Variants in DTNBP1 observed in about 807,000 individuals in gnomAD.
DTNBP1 encodes the protein dysbindin.
DTNBP1 carries 35 observed loss-of-function variants against 42.8 expected under a neutral mutation model. The observed-to-expected ratio is 0.82, with a 90% CI of 0.63 to 1.09. The LOEUF is 1.09. Ranked by LOEUF, DTNBP1 falls within the 50% of genes least tolerant of loss-of-function variation. The pLI, the probability that DTNBP1 is intolerant of heterozygous loss-of-function variation, is 0.00. For synonymous variants in DTNBP1, 171 were observed against 162.2 expected (o/e 1.05, Z -0.41); for missense variants, 457 against 424.2 (o/e 1.08, Z -0.68).
chr6:15,573,800 T>C lies in DTNBP1; in HGVS notation c.511+19259A>G, dbSNP rs572086318. 1.9e-3 allele frequency among the ~76,000 whole-genome samples: 294 copies of C among 152,210 alleles called. 4 individuals are homozygous for C. In the Middle Eastern group the frequency reaches 0.024, roughly 12 times the overall value. ...TCGGCTGACTGCAACCTCTGCCTCC[T>C]GGGTTCAAGCAATTCTCTGCCTCAG... is the stretch of plus-strand genomic sequence containing the variant. On this transcript the variant is annotated intron_variant, in intron 7 of 9. Transcript: ENST00000344537.
chr6:15,626,643 T>C (rs1759364956), intron 5 of DTNBP1, among the ~76,000 whole-genome samples: 1 of 152,118 alleles, frequency 6.6e-6, no homozygotes, highest in Non-Finnish European at 1.5e-5. Flanking sequence ...TTTCTGAATA[T>C]AAACCCAAGA....
chr6:15,588,670 C>CA (rs1281431022), intron 7 of DTNBP1, among the ~76,000 whole-genome samples: 1 of 152,208 alleles, frequency 6.6e-6, no homozygotes, highest in Non-Finnish European at 1.5e-5. Flanking sequence ...TGTCCAACTT[C>CA]ATCCCTCATC....
intron 7 of DTNBP1, among the ~76,000 whole-genome samples, chr6:15,586,256 A>T (rs1776075557): frequency 6.6e-6 from 1 of 152,220 alleles, no homozygotes; most frequent in Non-Finnish European, 1.5e-5. Flanking sequence ...ATGTAGCATT[A>T]GCCTAAAGGT....
In DTNBP1 at chr6:15,570,267, T is replaced by C. The variant is rs552232787; in HGVS notation, c.511+22792A>G. ...AGACTCATTTCTGTTCCAAAATGCATAGGTATATATTCTCATTAAAGCAAC... is the reference window on the plus strand; with the variant it reads ...AGACTCATTTCTGTTCCAAAATGCACAGGTATATATTCTCATTAAAGCAAC... On this transcript the variant is annotated intron_variant, in intron 7 of 9. Coordinates refer to ENST00000344537, the MANE Select transcript of DTNBP1 (RefSeq NM_032122.5). Among the ~76,000 whole-genome samples, 3 of 152,280 alleles carry C rather than the reference T, an allele frequency of 2.0e-5. No individual in the cohort carries two copies. The South Asian group carries it at 6.2e-4, about 32-fold the overall frequency.
intron 4 of DTNBP1, among the ~76,000 whole-genome samples, chr6:15,628,002 A>G (rs1759453867): frequency 6.6e-6 from 1 of 152,246 alleles, no homozygotes. Context: ...AAACTGGCCA[A>G]TTCCAGAATT....
chr6:15,592,043 G>A (rs749346412), intron 7 of DTNBP1, among the ~76,000 whole-genome samples: 3 of 152,174 alleles, frequency 2.0e-5, no homozygotes, highest in Non-Finnish European at 2.9e-5. Flanking sequence ...TACTAGAGCC[G>A]TAGTAGGTCA....
At chr6:15,661,943 G>GT (rs1048005388) in intron 1 of DTNBP1, among the ~76,000 whole-genome samples, 2 of 152,196 alleles carry the variant, frequency 1.3e-5, no homozygotes, top group Non-Finnish European at 2.9e-5. Flanking sequence ...AGGCAGCTGA[G>GT]TAACTACGTT....
At chr6:15,540,877 C>T (rs763392792) in intron 7 of DTNBP1, among the ~76,000 whole-genome samples, 1 of 152,154 alleles carries the variant, frequency 6.6e-6, no homozygotes, top group Non-Finnish European at 1.5e-5. Context: ...CTCCTGACCT[C>T]GTGATCCGCC....
In DTNBP1 at chr6:15,629,433, G is replaced by A. The variant is rs549646033; in HGVS notation, c.223-1958C>T. ...TTCTTACTGAAAATTAAAGTGCAATGTTTAAATATTGAAATTTAACTACAG... is the reference window on the plus strand; with the variant it reads ...TTCTTACTGAAAATTAAAGTGCAATATTTAAATATTGAAATTTAACTACAG... On this transcript the variant is annotated intron_variant, in intron 4 of 9. Coordinates refer to ENST00000344537, the MANE Select transcript of DTNBP1 (RefSeq NM_032122.5). Among the ~76,000 whole-genome samples, 18 of 152,130 alleles carry A rather than the reference G, an allele frequency of 1.2e-4. No individual in the cohort carries two copies. In the South Asian group the frequency reaches 3.7e-3, roughly 32 times the overall value.
intron 4 of DTNBP1, among the ~76,000 whole-genome samples, chr6:15,634,368 G>A (rs1199640585): frequency 6.6e-6 from 1 of 152,118 alleles, no homozygotes; most frequent in Admixed American, 6.5e-5. Flanking sequence ...CCAGCCTAGA[G>A]TGCGGTGGCT....
intron 6 of DTNBP1, among the ~76,000 whole-genome samples, chr6:15,603,321 C>T (rs1035051240): frequency 6.6e-6 from 1 of 152,108 alleles, no homozygotes; most frequent in African/African-American, 2.4e-5. Flanking sequence ...CAATTAACCA[C>T]CTGGGAACCA....
Position 15,580,448 on chromosome 6 carries a change from G to A in DTNBP1, c.511+12611C>T, listed in dbSNP as rs73724440. On this transcript the variant is annotated intron_variant, in intron 7 of 9. Transcript: ENST00000344537. ...AAAAATTGTGGCCCTATCTATGTAC[G>A]TATAGAGATGCTTATTACAGCACAA... Among the ~76,000 whole-genome samples, 369 of 152,222 alleles carry A rather than the reference G, an allele frequency of 2.4e-3. 1 individual carries two copies. Among genetic ancestry groups the A allele is most frequent in the African/African-American group, 8.6e-3 (357 of 41,530 alleles).
chr6:15,543,402 T>C (rs4715983), intron 7 of DTNBP1, among the ~76,000 whole-genome samples: 67,826 of 152,022 alleles, frequency 0.45, 15,975 homozygotes, highest in East Asian at 0.62. Flanking sequence ...ACATGCGCTG[T>C]GCGTGCAGAT....
chr6:15,583,364 TCA>T (rs1395196526), intron 7 of DTNBP1, among the ~76,000 whole-genome samples: 1 of 152,162 alleles, frequency 6.6e-6, no homozygotes, highest in African/African-American at 2.4e-5. Flanking sequence ...GTTTCTCAGC[TCA>T]GTTGGCCACT....
chr6:15,622,004 T>G (rs1192518735), intron 5 of DTNBP1, among the ~76,000 whole-genome samples: 1 of 152,208 alleles, frequency 6.6e-6, no homozygotes, highest in Non-Finnish European at 1.5e-5. Context: ...CAGGAATCAG[T>G]AAGGGCCTTA....
At chr6:15,591,090 G>A (rs553459172) in intron 7 of DTNBP1, among the ~76,000 whole-genome samples, 13 of 148,844 alleles carry the variant, frequency 8.7e-5, no homozygotes, top group African/African-American at 3.2e-4. Context: ...TTAAATTTCT[G>A]TTTTTCTTGT....
intron 5 of DTNBP1, among the ~76,000 whole-genome samples, chr6:15,616,959 T>C (rs894938518): frequency 1.3e-5 from 2 of 152,146 alleles, no homozygotes; most frequent in Non-Finnish European, 2.9e-5. Context: ...CAAAAATCAG[T>C]AGCATTTCTA....
intron 1 of DTNBP1, among the ~76,000 whole-genome samples, chr6:15,657,032 C>T (rs142786089): frequency 5.9e-5 from 9 of 152,162 alleles, no homozygotes; most frequent in Non-Finnish European, 1.2e-4. Flanking sequence ...CTCTCTTAAG[C>T]GAGATCAGGG....
chr6:15,662,820 G>T lies in DTNBP1; in HGVS notation c.50C>A (p.Thr17Asn). 6.2e-7 allele frequency: 1 copy of T among 1,611,600 alleles called. No individual in the cohort carries two copies. The highest frequency in any genetic ancestry group is 1.3e-5 in the African/African-American group (1 of 74,982). Residue 17 changes from threonine to asparagine, a missense_variant, in exon 1 of 10, where the codon ACC becomes AAC. Thr to Asn is a moderately conservative substitution (Grantham distance 65). Transcript: ENST00000344537. Reference sequence around the variant, plus strand: ...TCGCCCACCGTATACCCACCCGGAGGTGAAATCCTGCTGCACGCTCAGCAG... The same window carrying T: ...TCGCCCACCGTATACCCACCCGGAGTTGAAATCCTGCTGCACGCTCAGCAG... ...ERLLSVQQDF[T>N]SGLKTLSDKS... is the part of the protein sequence containing the mutation.
Sources: gnomAD v4.1 joint callset for allele counts (sites outside exome capture counted in the v4.1 genomes callset) on GRCh38, gnomAD v4.1.1 for gene constraint, MANE v1.5 for transcripts, NCBI Gene and HGNC (gene_info 2026-07-23, HGNC 2026-07-21) for gene names.